The following CHODL variants were observed in gnomAD, a reference collection of about 807,000 sequenced individuals.
CHODL encodes transmembrane protein MT75.
Under a neutral mutation model 34.5 loss-of-function variants are expected in CHODL, and 29 were observed. The observed-to-expected ratio is 0.84, with a 90% confidence interval of 0.63 to 1.15. The LOEUF (loss-of-function observed/expected upper bound fraction) is 1.15. Among genes scored for constraint, CHODL ranks in the 50% most tolerant of loss-of-function variants. The pLI is 0.00. For synonymous variants in CHODL, 125 were observed against 116.1 expected, an observed-to-expected ratio of 1.08 and a Z score of -0.49; for missense variants, 332 against 332.5, an observed-to-expected ratio of 1.00 and a Z score of 0.01.
chr21:18,219,667 C>T (rs1354019231), intron 2 of CHODL, among the ~76,000 whole-genome samples: 2 of 152,018 alleles, frequency 1.3e-5, no homozygotes, highest in African/African-American at 4.8e-5. Context: ...TTTGTATTTC[C>T]ATGATTATTA....
At chr21:18,145,994 A>C (rs1362311625) in intron 2 of CHODL, among the ~76,000 whole-genome samples, 1 of 151,904 alleles carries the variant, frequency 6.6e-6, no homozygotes, top group African/African-American at 2.4e-5. Context: ...TTTGAGACGG[A>C]GTCTCACTCT....
At chr21:18,068,780 CTTT>C (rs60581304) in intron 2 of CHODL, among the ~76,000 whole-genome samples, 3 of 141,120 alleles carry the variant, frequency 2.1e-5, no homozygotes, top group Non-Finnish European at 1.6e-5. Context: ...AAGGAAATTT[CTTT>C]TTTTTTTTTT....
intron 1 of CHODL, among the ~76,000 whole-genome samples, chr21:17,992,735 TTTTTTTTTC>T (rs779314325): frequency 0.28 from 25,638 of 92,992 alleles, 2,922 homozygotes; most frequent in South Asian, 0.49. Flanking sequence ...TTTTTTTTTT[TTTTTTTTTC>T]CAGACAGAGT....
intron 1 of CHODL, among the ~76,000 whole-genome samples, chr21:17,922,144 G>A (rs1283580923): frequency 6.6e-6 from 1 of 151,856 alleles, no homozygotes; most frequent in Non-Finnish European, 1.5e-5. Flanking sequence ...AAGAAGAAGT[G>A]AGACAGAGAA....
At chr21:18,140,194 A>C (rs746637299) in intron 2 of CHODL, among the ~76,000 whole-genome samples, 1 of 152,212 alleles carries the variant, frequency 6.6e-6, no homozygotes, top group African/African-American at 2.4e-5. Context: ...GGAATTGAAG[A>C]ATTTGAAAAC....
At chr21:18,052,473 A>C (rs1600941278) in intron 2 of CHODL, among the ~76,000 whole-genome samples, 1 of 152,086 alleles carries the variant, frequency 6.6e-6, no homozygotes, top group East Asian at 1.9e-4. Context: ...CTTTTGTTAA[A>C]TAACAAAACA....
chr21:17,989,241 C>T (rs969873739), intron 1 of CHODL, among the ~76,000 whole-genome samples: 11 of 152,112 alleles, frequency 7.2e-5, no homozygotes, highest in African/African-American at 2.4e-4. Context: ...GATCACTTAC[C>T]TGCAAATCAT....
In CHODL at chr21:18,245,051, C is replaced by T; in HGVS notation, c.-173C>T. Reference sequence around the variant, plus strand: ...CCACGCGCGGCACAGGCGCGGCAGGCGGCAGGTCCCGGCCGAAGGCGATGC... The same window carrying T: ...CCACGCGCGGCACAGGCGCGGCAGGTGGCAGGTCCCGGCCGAAGGCGATGC... On this transcript the variant is annotated 5_prime_UTR_variant, in exon 1 of 6. Coordinates refer to ENST00000299295, the MANE Select transcript of CHODL (RefSeq NM_024944.3). 2 of 517,270 alleles carry T rather than the reference C, an allele frequency of 3.9e-6. No homozygotes were observed. The highest frequency in any genetic ancestry group is 3.6e-5 in the East Asian group (1 of 27,546). 32.0% of individuals were successfully genotyped at this position (517,270 alleles called of 1,614,324 possible). A position where few individuals can be genotyped will look rare whatever the true frequency, so the allele number is the denominator to read the frequency against.
At chr21:17,995,175 G>A (rs187377888) in intron 1 of CHODL, among the ~76,000 whole-genome samples, 17 of 152,238 alleles carry the variant, frequency 1.1e-4, no homozygotes, top group African/African-American at 3.9e-4. Context: ...GCAGGATATG[G>A]TCTGGTGGGG....
At chr21:18,144,664 T>C (rs1387557400) in intron 2 of CHODL, among the ~76,000 whole-genome samples, 2 of 152,170 alleles carry the variant, frequency 1.3e-5, no homozygotes, top group Non-Finnish European at 2.9e-5. Context: ...CATCAGGTTA[T>C]ATTGTTTAAA....
chr21:18,165,010 T>C (rs1247086998), intron 2 of CHODL, among the ~76,000 whole-genome samples: 1 of 152,208 alleles, frequency 6.6e-6, no homozygotes, highest in Non-Finnish European at 1.5e-5. Context: ...ATTGGTACAG[T>C]GTTTTCCAAG....
chr21:18,238,443 A>C (rs1460255339), intron 2 of CHODL, among the ~76,000 whole-genome samples: 6 of 152,140 alleles, frequency 3.9e-5, no homozygotes, highest in Admixed American at 3.3e-4. Flanking sequence ...TGTGAGACTC[A>C]TTCACTACCT....
At chr21:18,197,092 T>G (rs975891732) in intron 2 of CHODL, among the ~76,000 whole-genome samples, 1 of 152,170 alleles carries the variant, frequency 6.6e-6, no homozygotes, top group African/African-American at 2.4e-5. Context: ...ATCAAAATAT[T>G]ACATTTGACC....
chr21:18,221,356 T>C (rs2073882000), intron 2 of CHODL, among the ~76,000 whole-genome samples: 1 of 152,200 alleles, frequency 6.6e-6, no homozygotes, highest in Non-Finnish European at 1.5e-5. Flanking sequence ...CATCATGATT[T>C]TGAATTCCTT....
At chr21:18,251,192 A>G (rs1220170798) in intron 1 of CHODL, among the ~76,000 whole-genome samples, 1 of 150,618 alleles carries the variant, frequency 6.6e-6, no homozygotes, top group Non-Finnish European at 1.5e-5. Flanking sequence ...CTCTATAGAA[A>G]TTTTAATGGC....
At chr21:18,145,997 C>T (rs1040675722) in intron 2 of CHODL, among the ~76,000 whole-genome samples, 3 of 152,002 alleles carry the variant, frequency 2.0e-5, no homozygotes, top group South Asian at 2.1e-4. Flanking sequence ...GAGACGGAGT[C>T]TCACTCTGTC....
At chr21:18,020,145 C>T (rs1313567544) in intron 1 of CHODL, among the ~76,000 whole-genome samples, 1 of 152,020 alleles carries the variant, frequency 6.6e-6, no homozygotes, top group African/African-American at 2.4e-5. Context: ...TTTGGTTTTG[C>T]CCAAATTTTC....
intron 2 of CHODL, among the ~76,000 whole-genome samples, chr21:18,184,100 C>G (rs917543899): frequency 6.6e-6 from 1 of 152,168 alleles, no homozygotes. Flanking sequence ...AATAGACTTA[C>G]AGTTTCACGT....
chr21:18,084,501 G>T (rs540337422), intron 2 of CHODL, among the ~76,000 whole-genome samples: 2 of 152,154 alleles, frequency 1.3e-5, no homozygotes, highest in East Asian at 3.9e-4. Flanking sequence ...TTTAAAATTT[G>T]CAGCCTAATT....
Sources: gnomAD v4.1 joint callset for allele counts (sites outside exome capture counted in the v4.1 genomes callset) on GRCh38, gnomAD v4.1.1 for gene constraint, MANE v1.5 for transcripts, NCBI Gene and HGNC (gene_info 2026-07-23, HGNC 2026-07-21) for gene names.